Variants in MSRA observed in about 807,000 individuals in gnomAD.
The protein encoded by MSRA is mitochondrial peptide methionine sulfoxide reductase.
Under a neutral mutation model 31.3 loss-of-function variants are expected in MSRA, and 54 were observed. The ratio of observed to expected loss-of-function variants is 1.73; its 90% CI spans 1.39 to 2.17. The LOEUF is 2.17. Ranked by LOEUF, MSRA falls within the 30% of genes most tolerant of loss-of-function variation. The pLI is 0.00. For missense variants in MSRA, 507 were observed against 300.9 expected, an observed-to-expected ratio of 1.69 and a Z score of -5.07; for synonymous variants, 169 against 116.5, an observed-to-expected ratio of 1.45 and a Z score of -2.90.
intron 3 of MSRA, among the ~76,000 whole-genome samples, chr8:10,264,825 G>A (rs1471514676): frequency 6.6e-6 from 1 of 152,198 alleles, no homozygotes; most frequent in Non-Finnish European, 1.5e-5. Context: ...TGGAAAGTCA[G>A]TTAAACAGTT....
chr8:10,365,736 A>G (rs1459683352), intron 5 of MSRA, among the ~76,000 whole-genome samples: 2 of 152,216 alleles, frequency 1.3e-5, no homozygotes, highest in African/African-American at 4.8e-5. Flanking sequence ...CCTATAGGGA[A>G]GGGAGATTTG....
intron 1 of MSRA, among the ~76,000 whole-genome samples, chr8:10,171,814 CTGT>C (rs1022506108): frequency 6.6e-6 from 1 of 152,178 alleles, no homozygotes; most frequent in Non-Finnish European, 1.5e-5. Context: ...TCTAATAATT[CTGT>C]TAACAACTGC....
At chr8:10,127,411 A>G (rs1332507450) in intron 1 of MSRA, among the ~76,000 whole-genome samples, 3 of 152,214 alleles carry the variant, frequency 2.0e-5, no homozygotes, top group Admixed American at 1.3e-4. Context: ...TTAAATCTAT[A>G]TGGAGTACAA....
intron 2 of MSRA, 29 bp from the exon 3 acceptor site, chr8:10,245,075 T>A (rs778267805): frequency 1.9e-6 from 3 of 1,607,160 alleles, no homozygotes; most frequent in Non-Finnish European, 2.5e-6. Flanking sequence ...ATAATCAGTA[T>A]CCTTTTTTTT....
intron 3 of MSRA, among the ~76,000 whole-genome samples, chr8:10,249,447 A>G (rs185830704): frequency 3.7e-4 from 56 of 152,288 alleles, no homozygotes; most frequent in Middle Eastern, 3.4e-3. Context: ...GAGATTTCCT[A>G]TCCCTTGCAT....
At position 10,058,414 on chromosome 8, in the gene MSRA, T is replaced by C. The variant is rs150588673; in HGVS notation, c.142+3756T>C. Reference sequence around the variant, plus strand: ...TACTGAACTCTTTTAAAATAAACTTTAAAACTTTGATGAAAATGATAATTT... The same window carrying C: ...TACTGAACTCTTTTAAAATAAACTTCAAAACTTTGATGAAAATGATAATTT... On this transcript the variant is annotated intron_variant, in intron 1 of 5. Transcript: ENST00000317173. Among the ~76,000 whole-genome samples, 535 of 152,326 alleles carry C rather than the reference T, an allele frequency of 3.5e-3. 1 individual carries two copies. Among genetic ancestry groups the C allele is most frequent in the Non-Finnish European group, 5.7e-3 (389 of 68,024 alleles).
intron 1 of MSRA, among the ~76,000 whole-genome samples, chr8:10,186,982 T>C (rs1807110365): frequency 6.6e-6 from 1 of 152,234 alleles, no homozygotes; most frequent in Non-Finnish European, 1.5e-5. Context: ...TTTTTAGTGT[T>C]GGCAGAGGGT....
intron 1 of MSRA, chr8:10,095,604 GA>G (rs879623928): frequency 7.7e-5 from 76 of 986,964 alleles, no homozygotes; most frequent in Non-Finnish European, 8.7e-5. Context: ...GCTGAGGAAA[GA>G]AAAAAAGGCA....
At chr8:10,298,109 A>G (rs968399702) in intron 3 of MSRA, among the ~76,000 whole-genome samples, 1 of 152,282 alleles carries the variant, frequency 6.6e-6, no homozygotes, top group East Asian at 1.9e-4. Flanking sequence ...GGAGACCTTG[A>G]TTTCCTCATC....
At chr8:10,118,521 C>T (rs753461242) in intron 1 of MSRA, among the ~76,000 whole-genome samples, 3 of 152,100 alleles carry the variant, frequency 2.0e-5, no homozygotes, top group Non-Finnish European at 2.9e-5. Context: ...ATTTCCCCCA[C>T]CATAGAGTCC....
intron 5 of MSRA, among the ~76,000 whole-genome samples, chr8:10,338,367 G>C (rs1384440787): frequency 6.6e-6 from 1 of 152,172 alleles, no homozygotes; most frequent in African/African-American, 2.4e-5. Flanking sequence ...AGGAGGAGTT[G>C]TTGGTCAAAG....
intron 5 of MSRA, among the ~76,000 whole-genome samples, chr8:10,344,229 C>T (rs972743429): frequency 3.9e-5 from 6 of 152,162 alleles, no homozygotes; most frequent in Non-Finnish European, 7.3e-5. Context: ...TCTGGTCTTC[C>T]TTCACCCCAT....
At chr8:10,252,476 G>C (rs972907377) in intron 3 of MSRA, among the ~76,000 whole-genome samples, 24 of 152,308 alleles carry the variant, frequency 1.6e-4, no homozygotes, top group African/African-American at 5.8e-4. Flanking sequence ...TCTGCTAGAT[G>C]CTTTAAGTCC....
rs144830521 is a variant in MSRA at position 10,370,081 on chromosome 8, T to C, written c.543+50092T>C. Among the ~76,000 whole-genome samples the C allele has an allele frequency of 4.6e-5, 7 of 152,336 alleles. No homozygotes were observed. In the East Asian group the frequency reaches 1.2e-3, roughly 25 times the overall value. ...CTTTTGTTTTGCCATCATTTTTGCT[T>C]TCTGGTTTAATAATAGCCAACATTT... On this transcript the variant is annotated intron_variant, in intron 5 of 5. Transcript: ENST00000317173.
At chr8:10,427,879 A>G (rs1318873055) in intron 5 of MSRA, among the ~76,000 whole-genome samples, 1 of 152,192 alleles carries the variant, frequency 6.6e-6, no homozygotes, top group African/African-American at 2.4e-5. Context: ...TGCACTTGGG[A>G]TGGCAGGGGT....
intron 3 of MSRA, among the ~76,000 whole-genome samples, chr8:10,253,933 A>T (rs1585283408): frequency 6.6e-6 from 1 of 152,076 alleles, no homozygotes; most frequent in African/African-American, 2.4e-5. Flanking sequence ...TTGCAACAAG[A>T]CAGAAAAACA....
chr8:10,214,527 G>A (rs969846525), intron 2 of MSRA, among the ~76,000 whole-genome samples: 2 of 151,478 alleles, frequency 1.3e-5, no homozygotes, highest in African/African-American at 2.4e-5. Context: ...GTAAATAACC[G>A]AGTCCCGGTG....
At chr8:10,324,128 A>G (rs1284357457) in intron 5 of MSRA, among the ~76,000 whole-genome samples, 1 of 152,190 alleles carries the variant, frequency 6.6e-6, no homozygotes, top group Non-Finnish European at 1.5e-5. Flanking sequence ...TCTCTTTTGC[A>G]CTGTCCAGTG....
At chr8:10,103,314 A>G (rs544708927) in intron 1 of MSRA, among the ~76,000 whole-genome samples, 7 of 152,332 alleles carry the variant, frequency 4.6e-5, no homozygotes, top group Non-Finnish European at 8.8e-5. Context: ...GTGAATTCAA[A>G]CCTGTAGCTT....
Sources: gnomAD v4.1 joint callset for allele counts (sites outside exome capture counted in the v4.1 genomes callset) on GRCh38, gnomAD v4.1.1 for gene constraint, MANE v1.5 for transcripts, NCBI Gene and HGNC (gene_info 2026-07-23, HGNC 2026-07-21) for gene names.